The following KIF1A variants were observed in gnomAD, a reference collection of about 807,000 sequenced individuals.
KIF1A encodes the protein kinesin-like protein KIF1A.
KIF1A carries 46 observed loss-of-function variants against 227.3 expected under a neutral mutation model. That is an observed-to-expected ratio of 0.20 (90% confidence interval 0.16 to 0.26). The LOEUF is 0.26. Among genes scored for constraint, KIF1A ranks in the 10% least tolerant of loss-of-function variants. The pLI, the probability that KIF1A is intolerant of heterozygous loss-of-function variation, is 1.00. For synonymous variants in KIF1A, 1,022 were observed against 1,012.8 expected (o/e 1.01, Z -0.17); for missense variants, 1,683 against 2,485.9 (o/e 0.68, Z 6.87).
At chr2:240,773,632 C>T (rs1482581358) in intron 12 of KIF1A, among the ~76,000 whole-genome samples, 1 of 152,202 alleles carries the variant, frequency 6.6e-6, no homozygotes, top group Non-Finnish European at 1.5e-5. Flanking sequence ...CTTGTGCTCA[C>T]ACCGTGTACC....
chr2:240,721,117 C>T lies in KIF1A; in HGVS notation c.4744-79G>A, dbSNP rs964297405. 125 of 1,554,294 alleles carry T rather than the reference C, an allele frequency of 8.0e-5. 1 individual carries two copies. In the Middle Eastern group the frequency reaches 1.1e-3, roughly 14 times the overall value. On this transcript the variant is annotated intron_variant, in intron 44 of 48. Coordinates refer to ENST00000498729, the MANE Select transcript of KIF1A (RefSeq NM_001244008.2). ...CTGTGGGAGCTGCTCCCTGTGCCTG[C>T]GCTTACCCCACACCTGCTGCTTAGG...
In KIF1A at chr2:240,775,843, G is replaced by A. The variant is rs756630160; in HGVS notation, c.958+8C>T. The A allele has an allele frequency of 1.9e-6, 3 of 1,591,600 alleles. No homozygotes were observed. Among genetic ancestry groups the A allele is most frequent in the Non-Finnish European group, 2.6e-6 (3 of 1,159,434 alleles). On this transcript the variant is annotated splice_region_variant and intron_variant, in intron 11 of 48. Transcript: ENST00000498729. This position sits in a 1 kb window ranked among gnomAD's most constrained non-coding sequence, Gnocchi z 5.5. ...GCCCTGGGGACAGGCAAACCCACAAGTTCTCACCCAGGTTTTCCCGGAGGA... is the reference window on the plus strand; with the variant it reads ...GCCCTGGGGACAGGCAAACCCACAAATTCTCACCCAGGTTTTCCCGGAGGA...
At chr2:240,783,982 C>G (rs2054398950) in intron 7 of KIF1A, among the ~76,000 whole-genome samples, 166 bp from the exon 8 acceptor site, 1 of 152,182 alleles carries the variant, frequency 6.6e-6, no homozygotes, top group African/African-American at 2.4e-5. Flanking sequence ...CCGCAGTTTC[C>G]ACCCGCACCT....
chr2:240,815,451 G>A lies in KIF1A; in HGVS notation c.-61+4671C>T, dbSNP rs183996772. Reference sequence around the variant, plus strand: ...TAGAGCTGCATTTCAGGAGCCCCACGGGAGGCCCAGAGGGAAGGGGGTGCC... The same window carrying A: ...TAGAGCTGCATTTCAGGAGCCCCACAGGAGGCCCAGAGGGAAGGGGGTGCC... On this transcript the variant is annotated intron_variant, in intron 1 of 48. Coordinates refer to ENST00000498729, the MANE Select transcript of KIF1A (RefSeq NM_001244008.2). Among the ~76,000 whole-genome samples, 6 of 152,270 alleles carry A rather than the reference G, an allele frequency of 3.9e-5. No homozygotes were observed. The East Asian group carries it at 5.8e-4, about 15-fold the overall frequency.
chr2:240,753,284 G>A lies in KIF1A; in HGVS notation c.2859-2737C>T, dbSNP rs116099566. Among the ~76,000 whole-genome samples, 720 of 152,348 alleles carry A rather than the reference G, an allele frequency of 4.7e-3. 4 individuals carry two copies. The highest frequency in any genetic ancestry group is 0.015 in the African/African-American group (632 of 41,582). ...AAGGGGGTCTGAGGCAGTGCATAGA[G>A]AGGTAAACTGAGGCAGGGGCCAGGC... On this transcript the variant is annotated intron_variant, in intron 27 of 48. Coordinates refer to ENST00000498729, the MANE Select transcript of KIF1A (RefSeq NM_001244008.2).
rs2051688642 is a variant in KIF1A, at chr2:240,769,642, G to C, written c.1406C>G (p.Ala469Gly). Residue 469 changes from alanine to glycine, a missense_variant, in exon 16 of 49, where the codon GCC (alanine) becomes GGC (glycine). By Grantham distance (60) the Ala-to-Gly change is moderately conservative. Around this residue, in one of 12 missense-constraint regions of KIF1A, gnomAD observed 217 missense variants for 427.0 expected, o/e 0.51. Transcript: ENST00000498729. ...TWEEKLRRTE[A>G]IRMEREALLA... ...CGCTGCACACCTCTCCATCCGGATGGCTTCTGTCCGCCGCAGCTTCTCCTC... is the reference window on the plus strand; with the variant it reads ...CGCTGCACACCTCTCCATCCGGATGCCTTCTGTCCGCCGCAGCTTCTCCTC... The C allele has an allele frequency of 6.2e-7, 1 of 1,613,334 alleles. No individual in the cohort carries two copies. Among genetic ancestry groups the C allele is most frequent in the Non-Finnish European group, 8.5e-7 (1 of 1,179,700 alleles).
chr2:240,792,242 C>T lies in KIF1A; in HGVS notation c.107-2930G>A, dbSNP rs370311279. Among the ~76,000 whole-genome samples the T allele has an allele frequency of 1.1e-4, 16 of 152,324 alleles. No individual in the cohort carries two copies. In the East Asian group the frequency reaches 2.7e-3, roughly 26 times the overall value. On this transcript the variant is annotated intron_variant, in intron 2 of 48. Coordinates refer to ENST00000498729, the MANE Select transcript of KIF1A (RefSeq NM_001244008.2). The surrounding 1 kb of genome is among the most constrained non-coding windows in gnomAD (Gnocchi z 4.5). ...AGCCTGCTTCTCACAGAGACCTCCC[C>T]GATTCTGCTGGAGAAAGGGCTTTTT... is the stretch of plus-strand genomic sequence containing the variant.
Position 240,790,486 on chromosome 2 carries a change from T to C in KIF1A, c.107-1174A>G, listed in dbSNP as rs893963762. ...TATGCCCGCACCCTCCGTGCCAGCA[T>C]GCACCCTGGGGACCTGCCACCAGGA... On this transcript the variant is annotated intron_variant, in intron 2 of 48. Coordinates refer to ENST00000498729, the MANE Select transcript of KIF1A (RefSeq NM_001244008.2). This position sits in a 1 kb window ranked among gnomAD's most constrained non-coding sequence, Gnocchi z 5.0. 6.6e-6 allele frequency among the ~76,000 whole-genome samples: 1 copy of C among 152,052 alleles called. No individual in the cohort carries two copies. The highest frequency in any genetic ancestry group is 1.5e-5 in the Non-Finnish European group (1 of 68,016).
rs926450732 is a variant in KIF1A, at chr2:240,757,849, C to A, written c.2583-255G>T. On this transcript the variant is annotated intron_variant, in intron 26 of 48. Coordinates refer to ENST00000498729, the MANE Select transcript of KIF1A (RefSeq NM_001244008.2). This position sits in a 1 kb window ranked among gnomAD's most constrained non-coding sequence, Gnocchi z 6.2. Reference sequence around the variant, plus strand: ...CAGGTGGGACTGAGAACAGGGGTCTCGGCTGGGAGTGGCTGAGGCCATATG... The same window carrying A: ...CAGGTGGGACTGAGAACAGGGGTCTAGGCTGGGAGTGGCTGAGGCCATATG... Among the ~76,000 whole-genome samples the A allele has an allele frequency of 6.6e-6, 1 of 152,154 alleles. No homozygotes were observed. Among genetic ancestry groups the A allele is most frequent in the South Asian group, 2.1e-4 (1 of 4,822 alleles).
chr2:240,797,900 C>G, intron 1 of KIF1A, 88 bp from the exon 2 acceptor site: 1 of 601,540 alleles, frequency 1.7e-6, no homozygotes. Context: ...CAGGTCTTTT[C>G]CACTCCCCTC....
In KIF1A at chr2:240,757,336, CA is replaced by C. The variant is rs587778791; in HGVS notation, c.2840del (p.Leu947ArgfsTer4). On this transcript the variant is annotated frameshift_variant, in exon 27 of 49. Transcript: ENST00000498729. LOFTEE classifies it high-confidence loss of function. The surrounding 1 kb of genome is among the most constrained non-coding windows in gnomAD (Gnocchi z 6.2). The stretch of plus-strand genomic sequence containing the variant: ...TCACCAACCTTCCTACTAAACTGAA[CA>C]GGGGGGGCCGGTCGTAAAACGGGTC... ...GRDPFYDRPPLFSLVGRAFVY... is the reference protein window; with the variant it reads ...GRDPFYDRPPXFSLVGRAFVY... 20 of 1,550,568 alleles carry C rather than the reference CA, an allele frequency of 1.3e-5. No homozygotes were observed. Among genetic ancestry groups the C allele is most frequent in the East Asian group, 2.4e-5 (1 of 40,928 alleles).
intron 1 of KIF1A, among the ~76,000 whole-genome samples, chr2:240,817,211 T>C (rs1482879060): frequency 2.0e-5 from 3 of 152,214 alleles, no homozygotes; most frequent in African/African-American, 7.2e-5. Context: ...TGCCTGGCTG[T>C]GTCCCTGGGT....
At position 240,736,964 on chromosome 2, in the gene KIF1A, G is replaced by A. The variant is rs1308941759; in HGVS notation, c.4007+99C>T. On this transcript the variant is annotated intron_variant, in intron 38 of 48. Transcript: ENST00000498729. This position sits in a 1 kb window ranked among gnomAD's most constrained non-coding sequence, Gnocchi z 4.7. ...AGGGAGGGCCGGGAGAGCGTTGAGC[G>A]GGTCACCTTGTGTGGCTGAACCCTG... 6.2e-6 allele frequency: 6 copies of A among 961,526 alleles called. No individual in the cohort carries two copies. The highest frequency in any genetic ancestry group is 2.1e-4 in the Middle Eastern group (1 of 4,700). The allele number at this position is 961,526 out of a possible 1,614,324, so 59.6% of individuals were successfully genotyped here.
upstream of KIF1A, among the ~76,000 whole-genome samples, chr2:240,820,501 G>A (rs2106402184): frequency 6.6e-6 from 1 of 151,856 alleles, no homozygotes; most frequent in Admixed American, 6.5e-5. The surrounding 1 kb of genome is among the most constrained non-coding windows in gnomAD (Gnocchi z 6.2). Flanking sequence ...GCGTGCCCCT[G>A]AGACCTCGCG....
intron 17 of KIF1A, 100 bp downstream of exon 17, chr2:240,769,033 T>G: frequency 9.7e-7 from 1 of 1,031,568 alleles, no homozygotes; most frequent in Non-Finnish European, 1.5e-6. Context: ...CCCACCGTGC[T>G]CCCCTACTTC....
rs867947239 is a variant in KIF1A, at chr2:240,739,625, C to A, written c.3901+433G>T. ...AGAAGCCTGCGAAAATGCAGTGATG[C>A]GTCTGCAGGCCAGGGTCGCCCAAGA... On this transcript the variant is annotated intron_variant, in intron 37 of 48. Transcript: ENST00000498729. This position sits in a 1 kb window ranked among gnomAD's most constrained non-coding sequence, Gnocchi z 5.6. Among the ~76,000 whole-genome samples, 1 of 152,144 alleles carries A rather than the reference C, an allele frequency of 6.6e-6. No individual in the cohort carries two copies. The highest frequency in any genetic ancestry group is 6.5e-5 in the Admixed American group (1 of 15,282).
chr2:240,820,149 G>T lies in KIF1A; in HGVS notation c.-88C>A, dbSNP rs1280019847. ...CTCCGGCGTCACTGGCGGCGGCCCCGCATGGGCACTGGCATGGGCGCGGGC... is the reference window on the plus strand; with the variant it reads ...CTCCGGCGTCACTGGCGGCGGCCCCTCATGGGCACTGGCATGGGCGCGGGC... On this transcript the variant is annotated 5_prime_UTR_variant, in exon 1 of 49. Transcript: ENST00000498729. The surrounding 1 kb of genome is among the most constrained non-coding windows in gnomAD (Gnocchi z 6.2). The T allele has an allele frequency of 6.7e-6, 1 of 149,050 alleles. No homozygotes were observed. Among genetic ancestry groups the T allele is most frequent in the Non-Finnish European group, 1.5e-5 (1 of 66,574 alleles). The allele number at this position is 149,050 out of a possible 1,614,324, so 9.2% of individuals were successfully genotyped here.
At chr2:240,730,893 G>C (rs1380598788) in intron 38 of KIF1A, among the ~76,000 whole-genome samples, 1 of 152,184 alleles carries the variant, frequency 6.6e-6, no homozygotes, top group East Asian at 1.9e-4. Flanking sequence ...ACCCCTGAGG[G>C]CCGCAGCATG....
chr2:240,720,762 A>C (rs989031607), intron 45 of KIF1A, 152 bp downstream of exon 45: 91 of 896,594 alleles, frequency 1.0e-4, no homozygotes, highest in Non-Finnish European at 1.4e-4. Flanking sequence ...TGCGGACTCC[A>C]CTCCTCCAGG....
Sources: gnomAD v4.1 joint callset for allele counts (sites outside exome capture counted in the v4.1 genomes callset) on GRCh38, gnomAD v4.1.1 for gene constraint, gnomAD v4.1.1 regional missense constraint, Gnocchi (gnomAD v3.1) non-coding constraint, MANE v1.5 for transcripts, NCBI Gene and HGNC (gene_info 2026-07-23, HGNC 2026-07-21) for gene names.